KIF17: variants seen among roughly 807,000 people sequenced by gnomAD.
KIF17 encodes the protein kinesin-like protein KIF17.
KIF17 carries 80 observed loss-of-function variants against 96.8 expected under a neutral mutation model. The observed-to-expected ratio is 0.83, with a 90% CI of 0.69 to 1.00. The LOEUF (loss-of-function observed/expected upper bound fraction) is 1.00. Among genes scored for constraint, KIF17 ranks in the 50% least tolerant of loss-of-function variants. The pLI, the probability that KIF17 is intolerant of heterozygous loss-of-function variation, is 0.00. For synonymous variants in KIF17, 567 were observed against 587.5 expected, an observed-to-expected ratio of 0.97 and a Z score of 0.51; for missense variants, 1,280 against 1,372.9, an observed-to-expected ratio of 0.93 and a Z score of 1.07.
At position 20,717,535 on chromosome 1, in the gene KIF17, A is replaced by G. The variant is rs2054601371; in HGVS notation, c.172T>C (p.Tyr58His). 1 of 1,611,668 alleles carries G rather than the reference A, an allele frequency of 6.2e-7. No homozygotes were observed. The highest frequency in any genetic ancestry group is 8.5e-7 in the Non-Finnish European group (1 of 1,179,574). ...PPKQFTFDGA[Y>H]HVDHVTEQIY... The stretch of plus-strand genomic sequence containing the variant: ...TGCTCGGTGACGTGGTCCACGTGGT[A>G]GGCGCCGTCGAAGGTGAACTGCTTG... The change falls in exon 1 of 15, where the codon TAC (tyrosine) becomes CAC (histidine). Residue 58 changes from tyrosine to histidine, a missense_variant. Transcript: ENST00000400463.
chr1:20,690,718 G>A (rs1288910043), intron 6 of KIF17, among the ~76,000 whole-genome samples: 4 of 149,728 alleles, frequency 2.7e-5, no homozygotes, highest in Non-Finnish European at 5.9e-5. Context: ...ACGGAGTCTC[G>A]CTCTGTCGCC....
rs1330006375 is a variant in KIF17 at position 20,709,975 on chromosome 1, G to A, written c.481-147C>T. 2 of 768,638 alleles carry A rather than the reference G, an allele frequency of 2.6e-6. No homozygotes were observed. The highest frequency in any genetic ancestry group is 4.4e-6 in the Non-Finnish European group (2 of 452,256). The allele number at this position is 768,638 out of a possible 1,614,324, so 47.6% of individuals were successfully genotyped here. ...CTGGCACCTCACATGCCTGTCACAG[G>A]GAGGGGTGTGTTCCAGGCCCAGCCA... On this transcript the variant is annotated intron_variant, in intron 3 of 14. Coordinates refer to ENST00000400463, the MANE Select transcript of KIF17 (RefSeq NM_001122819.3). The surrounding 1 kb of genome is among the most constrained non-coding windows in gnomAD (Gnocchi z 4.7).
rs1553151992 is a variant in KIF17 at position 20,703,180 on chromosome 1, T to TGGATGGATGGATGGATGGATGGATGGAC, written c.1123+1266_1123+1267insGTCCATCCATCCATCCATCCATCCATCC. Among the ~76,000 whole-genome samples, 56 of 149,990 alleles carry TGGATGGATGGATGGATGGATGGATGGAC rather than the reference T, an allele frequency of 3.7e-4. No homozygotes were observed. The South Asian group carries it at 7.0e-3, about 19-fold the overall frequency. ...GGAAGGATGGAGATGGATGGATGAA[T>TGGATGGATGGATGGATGGATGGATGGAC]GGATGGACGGATGGATGGGAGATGG... On this transcript the variant is annotated intron_variant, in intron 5 of 14. Transcript: ENST00000400463.
rs570516994 is a variant in KIF17, at chr1:20,690,982, C to T, written c.1234-647G>A. Among the ~76,000 whole-genome samples the T allele has an allele frequency of 1.2e-3, 177 of 151,990 alleles. 1 individual carries two copies. Among genetic ancestry groups the T allele is most frequent in the African/African-American group, 4.0e-3 (168 of 41,556 alleles). ...GATTACAGGCGTGAGACACCACGCC[C>T]GGCCACCATCAGCTAATTTTTTAAA... On this transcript the variant is annotated intron_variant, in intron 6 of 14. Coordinates refer to ENST00000400463, the MANE Select transcript of KIF17 (RefSeq NM_001122819.3).
intron 3 of KIF17, among the ~76,000 whole-genome samples, chr1:20,711,859 G>C (rs887921466): frequency 6.6e-6 from 1 of 152,140 alleles, no homozygotes; most frequent in Non-Finnish European, 1.5e-5. Flanking sequence ...CCTTGGGTTG[G>C]TCTTACTTAG....
At chr1:20,681,930 C>T (rs1324412075) in intron 11 of KIF17, among the ~76,000 whole-genome samples, 1 of 152,192 alleles carries the variant, frequency 6.6e-6, no homozygotes, top group Non-Finnish European at 1.5e-5. Flanking sequence ...TTGTGGAAAG[C>T]ACTTCGTAGA....
intron 3 of KIF17, among the ~76,000 whole-genome samples, chr1:20,710,164 C>A (rs1319113624): frequency 6.6e-6 from 1 of 152,230 alleles, no homozygotes; most frequent in Non-Finnish European, 1.5e-5. Flanking sequence ...ATGGTGCCAG[C>A]ACCTAAGTGC....
rs758368563 is a variant in KIF17 at position 20,704,643 on chromosome 1, C to T, written c.927G>A (p.Val309=). ...TGTTGTCCGCAGGCGACAGGCAGGC[C>T]ACCATGAGCGTCTTGGTGTTGCCGC... is the stretch of plus-strand genomic sequence containing the variant. ...SLGGNTKTLM[V]ACLSPADNNY... Residue 309 remains valine, a synonymous_variant, in exon 5 of 15, where the codon GTG becomes GTA. Transcript: ENST00000400463. This position sits in a 1 kb window ranked among gnomAD's most constrained non-coding sequence, Gnocchi z 6.8. 3 of 1,614,072 alleles carry T rather than the reference C, an allele frequency of 1.9e-6. No homozygotes were observed. The highest frequency in any genetic ancestry group is 2.5e-6 in the Non-Finnish European group (3 of 1,180,018).
chr1:20,686,330 C>T (rs550780414), intron 8 of KIF17: 46 of 627,298 alleles, frequency 7.3e-5, no homozygotes, highest in African/African-American at 5.8e-4. Context: ...GGAAGACAGG[C>T]GTGTGGTGGG....
At chr1:20,663,081 G>C (rs1361496476), downstream of KIF17, among the ~76,000 whole-genome samples, 2 of 152,022 alleles carry the variant, frequency 1.3e-5, no homozygotes, top group Non-Finnish European at 2.9e-5. Context: ...AAATTTAGCC[G>C]GGCGTGGTGG....
chr1:20,704,777 G>C lies in KIF17; in HGVS notation c.793C>G (p.Leu265Val). ...ACATTGCCCAGTGCCGAGAGCGACA[G>C]GTTGATCTTGGTGGCCTCCTTGAGC... Reference protein sequence around the residue: ...ERLKEATKINLSLSALGNVIS... With the variant: ...ERLKEATKINVSLSALGNVIS... The change falls in exon 5 of 15, where the codon CTG (leucine) becomes GTG (valine). Residue 265 changes from leucine to valine, a missense_variant. By Grantham distance (32) the Leu-to-Val change is conservative. Transcript: ENST00000400463. The surrounding 1 kb of genome is among the most constrained non-coding windows in gnomAD (Gnocchi z 6.8). The C allele has an allele frequency of 6.2e-7, 1 of 1,611,342 alleles. No homozygotes were observed. Among genetic ancestry groups the C allele is most frequent in the Non-Finnish European group, 8.5e-7 (1 of 1,179,534 alleles).
rs949106970 is a variant in KIF17, at chr1:20,685,353, C to T, written c.2020-333G>A. The stretch of plus-strand genomic sequence containing the variant: ...CCCATGTGACTTCCCGTCACGTTCG[C>T]AGGAAAGTCCACTTTCCTCCCTGCC... On this transcript the variant is annotated intron_variant, in intron 9 of 14. Transcript: ENST00000400463. This position sits in a 1 kb window ranked among gnomAD's most constrained non-coding sequence, Gnocchi z 4.1. 4.2e-6 allele frequency: 2 copies of T among 476,602 alleles called. No individual in the cohort carries two copies. Among genetic ancestry groups the T allele is most frequent in the African/African-American group, 1.9e-5 (1 of 51,584 alleles). The allele number at this position is 476,602 out of a possible 1,614,324, so 29.5% of individuals were successfully genotyped here. A position where few individuals can be genotyped will look rare whatever the true frequency, so the allele number is the denominator to read the frequency against.
chr1:20,712,836 TTA>T (rs575174027), intron 3 of KIF17, among the ~76,000 whole-genome samples: 1,510 of 17,110 alleles, frequency 0.088, 218 homozygotes, highest in African/African-American at 0.19. Flanking sequence ...ATTATCTATA[TTA>T]TAGATATAGA....
chr1:20,708,558 C>A (rs1014653780), intron 4 of KIF17, among the ~76,000 whole-genome samples: 3 of 152,198 alleles, frequency 2.0e-5, no homozygotes, highest in African/African-American at 7.2e-5. Flanking sequence ...GAGTTCTAGT[C>A]ATGATGGACC....
chr1:20,704,655 C>T lies in KIF17; in HGVS notation c.915G>A (p.Lys305=), dbSNP rs748423151. The part of the protein sequence containing the change: ...LLQDSLGGNT[K]TLMVACLSPA... ...GCGACAGGCAGGCCACCATGAGCGT[C>T]TTGGTGTTGCCGCCCAGTGAGTCCT... Residue 305 remains lysine (K), a synonymous_variant, in exon 5 of 15, where the codon AAG becomes AAA. Coordinates refer to ENST00000400463, the MANE Select transcript of KIF17 (RefSeq NM_001122819.3). This position sits in a 1 kb window ranked among gnomAD's most constrained non-coding sequence, Gnocchi z 6.8. The T allele has an allele frequency of 1.2e-5, 19 of 1,614,070 alleles. No individual in the cohort carries two copies. In the South Asian group the frequency reaches 2.0e-4, roughly 17 times the overall value.
intron 8 of KIF17, chr1:20,686,457 ATCTC>A (rs1253098738): frequency 1.1e-5 from 5 of 456,326 alleles, no homozygotes; most frequent in East Asian, 8.3e-5. Context: ...TAGACCTGGG[ATCTC>A]TCTCTCTAAA....
At chr1:20,669,975 C>T (rs1488977809) in intron 13 of KIF17, among the ~76,000 whole-genome samples, 1 of 131,104 alleles carries the variant, frequency 7.6e-6, no homozygotes. Flanking sequence ...ATAGGTCTTG[C>T]CACTGAGCTT....
Position 20,717,746 on chromosome 1 carries a change from C to A in KIF17, c.-40G>T, listed in dbSNP as rs780283220. The A allele has an allele frequency of 2.0e-6, 3 of 1,511,100 alleles. No homozygotes were observed. The highest frequency in any genetic ancestry group is 4.1e-5 in the Admixed American group (2 of 48,580). The allele number at this position is 1,511,100 out of a possible 1,614,324, so 93.6% of individuals were successfully genotyped here. On this transcript the variant is annotated 5_prime_UTR_variant, in exon 1 of 15. Transcript: ENST00000400463. ...GACCAACGGGACCAGAGCTGACCCC[C>A]GCCCCGCCGGGGACTCCCAGCAGCC...
chr1:20,677,917 T>A (rs987637776), intron 11 of KIF17, among the ~76,000 whole-genome samples: 4 of 152,158 alleles, frequency 2.6e-5, no homozygotes, highest in Non-Finnish European at 5.9e-5. Flanking sequence ...ATACTATACA[T>A]TGTTGTGTGA....
Sources: gnomAD v4.1 joint callset for allele counts (sites outside exome capture counted in the v4.1 genomes callset) on GRCh38, gnomAD v4.1.1 for gene constraint, Gnocchi (gnomAD v3.1) non-coding constraint, MANE v1.5 for transcripts, NCBI Gene and HGNC (gene_info 2026-07-23, HGNC 2026-07-21) for gene names.